Variants in MON1A observed in about 807,000 individuals in gnomAD.
The protein encoded by MON1A is MON1 vesicular trafficking associated A, also known as vacuolar fusion protein MON1 homolog A.
In MON1A, 29 loss-of-function variants were observed where a neutral mutation model predicts 44.6. The observed-to-expected ratio is 0.65, with a 90% CI of 0.48 to 0.89. The LOEUF is 0.89. MON1A is among the 40% of genes least tolerant of loss of function. MON1A has a pLI of 0.00. For synonymous variants in MON1A, 275 were observed against 316.4 expected (o/e 0.87, Z 1.39); for missense variants, 615 against 759.6 (o/e 0.81, Z 2.24).
rs1553630697 is a variant in MON1A at position 49,911,225 on chromosome 3, G to GATAGATGATAGATAC, written c.613+300_613+301insGTATCTATCATCTAT. On this transcript the variant is annotated intron_variant, in intron 3 of 5. Transcript: ENST00000296473. The surrounding 1 kb of genome is among the most constrained non-coding windows in gnomAD (Gnocchi z 5.7). ...AGATAGATAGATAGATAGATAGATA[G>GATAGATGATAGATAC]ATAGATAGATAGATAGATAGAGTTT... is the stretch of plus-strand genomic sequence containing the variant. Among the ~76,000 whole-genome samples, 8 of 151,476 alleles carry GATAGATGATAGATAC rather than the reference G, an allele frequency of 5.3e-5. No individual in the cohort carries two copies. Among genetic ancestry groups the GATAGATGATAGATAC allele is most frequent in the African/African-American group, 2.0e-4 (8 of 41,006 alleles).
rs745909608 is a variant in MON1A at position 49,911,696 on chromosome 3, G to A, written c.443C>T (p.Thr148Met). 12 of 1,614,074 alleles carry A rather than the reference G, an allele frequency of 7.4e-6. No homozygotes were observed. The Middle Eastern group carries it at 4.9e-4, about 67-fold the overall frequency. ...GTTEGDEEDATEAWRLHQKHV... is the reference protein window; with the variant it reads ...GTTEGDEEDAMEAWRLHQKHV... ...CTTCTGGTGCAGGCGCCATGCCTCC[G>A]TGGCATCCTCCTCATCCCCCTCGGT... Residue 148 changes from threonine (T) to methionine (M), a missense_variant, in exon 3 of 6, where the codon ACG (threonine) becomes ATG (methionine). By Grantham distance (81) the Thr-to-Met change is moderately conservative. Coordinates refer to ENST00000296473, the MANE Select transcript of MON1A (RefSeq NM_032355.4). The surrounding 1 kb of genome is among the most constrained non-coding windows in gnomAD (Gnocchi z 5.7).
intron 1 of MON1A, among the ~76,000 whole-genome samples, chr3:49,914,654 TCTC>T (rs1171252641): frequency 5.3e-5 from 8 of 150,602 alleles, no homozygotes; most frequent in Non-Finnish European, 4.4e-5. Flanking sequence ...TTCAAGCAAT[TCTC>T]CTGCCTCAGC....
chr3:49,920,967 G>A (rs2082990899), intron 1 of MON1A, among the ~76,000 whole-genome samples: 1 of 151,884 alleles, frequency 6.6e-6, no homozygotes. Context: ...AGACCAGCCT[G>A]GGCAATATGG....
At position 49,909,198 on chromosome 3, in the gene MON1A, C is replaced by T; in HGVS notation, c.1528-44G>A. The T allele has an allele frequency of 6.2e-7, 1 of 1,612,442 alleles. No individual in the cohort carries two copies. The highest frequency in any genetic ancestry group is 1.1e-5 in the South Asian group (1 of 91,016). ...GTCGTCATCTAGGTTAGAGGCCCCT[C>T]ATGGCCCATACCTAGGACCTCCATA... On this transcript the variant is annotated intron_variant, in intron 5 of 5. Transcript: ENST00000296473. This position sits in a 1 kb window ranked among gnomAD's most constrained non-coding sequence, Gnocchi z 4.0.
chr3:49,919,016 T>C (rs1014948765), intron 1 of MON1A, among the ~76,000 whole-genome samples: 1 of 152,090 alleles, frequency 6.6e-6, no homozygotes, highest in Non-Finnish European at 1.5e-5. Context: ...ACCCCATCTC[T>C]ACAAAAAGTA....
intron 1 of MON1A, among the ~76,000 whole-genome samples, chr3:49,918,542 G>A (rs2082968357): frequency 6.6e-6 from 1 of 151,770 alleles, no homozygotes; most frequent in Admixed American, 6.6e-5. Context: ...CTCCCAGGTA[G>A]CTGGGATTAC....
rs144510098 is a variant in MON1A, at chr3:49,925,697, C to G, written c.-14+3912G>C. On this transcript the variant is annotated intron_variant, in intron 1 of 5. Transcript: ENST00000296473. ...AAGGCTGCAGTGAGCCGTGATTGTG[C>G]CACTGTACTCCAGCCTGGGCAACAC... Among the ~76,000 whole-genome samples the G allele has an allele frequency of 8.7e-3, 1,319 of 152,152 alleles. 21 individuals carry two copies. Among genetic ancestry groups the G allele is most frequent in the African/African-American group, 0.031 (1,274 of 41,498 alleles).
chr3:49,923,432 A>G (rs887151021), intron 1 of MON1A, among the ~76,000 whole-genome samples: 1 of 150,916 alleles, frequency 6.6e-6, no homozygotes, highest in South Asian at 2.1e-4. Context: ...GGAAAGAAAG[A>G]AAGAAAGGAA....
intron 1 of MON1A, among the ~76,000 whole-genome samples, chr3:49,914,955 A>G (rs1435021185): frequency 1.3e-5 from 2 of 152,230 alleles, no homozygotes; most frequent in Non-Finnish European, 2.9e-5. Context: ...TGTTGGAATT[A>G]CAGGCATGAG....
chr3:49,911,190 T>TTAGA lies in MON1A; in HGVS notation c.614-310_614-307dup, dbSNP rs10564221. Among the ~76,000 whole-genome samples, 11,940 of 95,424 alleles carry TTAGA rather than the reference T, an allele frequency of 0.13. 716 individuals carry two copies. Among genetic ancestry groups the TTAGA allele is most frequent in the East Asian group, 0.27 (1,129 of 4,176 alleles). 62.6% of individuals were successfully genotyped at this position (95,424 alleles called of 152,430 possible). On this transcript the variant is annotated intron_variant, in intron 3 of 5. Coordinates refer to ENST00000296473, the MANE Select transcript of MON1A (RefSeq NM_032355.4). The surrounding 1 kb of genome is among the most constrained non-coding windows in gnomAD (Gnocchi z 5.7). The stretch of plus-strand genomic sequence containing the variant: ...GCTCAGGACCTGGGAGATAGATAGA[T>TTAGA]TAGATAGATAGATAGATAGATAGAT...
rs775517978 is a variant in MON1A at position 49,909,225 on chromosome 3, A to G, written c.1527+28T>C. The G allele has an allele frequency of 1.2e-6, 2 of 1,613,582 alleles. No individual in the cohort carries two copies. The highest frequency in any genetic ancestry group is 2.7e-5 in the African/African-American group (2 of 74,980). On this transcript the variant is annotated intron_variant, in intron 5 of 5. Transcript: ENST00000296473. The surrounding 1 kb of genome is among the most constrained non-coding windows in gnomAD (Gnocchi z 4.0). ...TGGCCCATACCTAGGACCTCCATAA[A>G]GCCCAGCCCATCCCAGGGCTGCCTT...
chr3:49,914,600 T>C (rs889859342), intron 1 of MON1A, among the ~76,000 whole-genome samples: 1 of 133,758 alleles, frequency 7.5e-6, no homozygotes, highest in Non-Finnish European at 1.5e-5. Flanking sequence ...CAGTCTGGAG[T>C]GCAGTGGTGC....
Position 49,910,051 on chromosome 3 carries a change from A to C in MON1A, c.1379+68T>G, listed in dbSNP as rs2082855075. The C allele has an allele frequency of 2.0e-6, 3 of 1,501,978 alleles. No homozygotes were observed. The highest frequency in any genetic ancestry group is 2.7e-6 in the Non-Finnish European group (3 of 1,119,046). 93.0% of individuals were successfully genotyped at this position (1,501,978 alleles called of 1,614,324 possible). A position where few individuals can be genotyped will look rare whatever the true frequency, so the allele number is the denominator to read the frequency against. On this transcript the variant is annotated intron_variant, in intron 4 of 5. Transcript: ENST00000296473. This position sits in a 1 kb window ranked among gnomAD's most constrained non-coding sequence, Gnocchi z 8.0. The stretch of plus-strand genomic sequence containing the variant: ...TCAGGGCTACATCTCAGAGCTCAGG[A>C]CCAAACAGCCTCCCGACTCCACATG...
intron 2 of MON1A, chr3:49,912,322 G>T (rs758434869): frequency 3.6e-5 from 10 of 276,412 alleles, no homozygotes; most frequent in Non-Finnish European, 5.4e-5. Flanking sequence ...ACATCCATCT[G>T]CTCTCAGATA....
At position 49,929,736 on chromosome 3, in the gene MON1A, T is replaced by A. The variant is rs2083078788; in HGVS notation, c.-141A>T. 1 of 1,549,844 alleles carries A rather than the reference T, an allele frequency of 6.5e-7. No homozygotes were observed. Among genetic ancestry groups the A allele is most frequent in the Non-Finnish European group, 8.7e-7 (1 of 1,146,686 alleles). ...ACAGCTTCGCGGGGCCCCGGCCCCC[T>A]GCGTACACAGACATGGCCACAGCGC... On this transcript the variant is annotated 5_prime_UTR_variant, in exon 1 of 6. Transcript: ENST00000296473.
intron 1 of MON1A, among the ~76,000 whole-genome samples, chr3:49,921,054 G>A (rs953837883): frequency 1.3e-5 from 2 of 151,750 alleles, no homozygotes; most frequent in African/African-American, 4.8e-5. Context: ...TACTCAGGAG[G>A]CTAAGGTGGG....
chr3:49,920,563 G>A (rs986495676), intron 1 of MON1A: 1 of 152,208 alleles, frequency 6.6e-6, no homozygotes, highest in Non-Finnish European at 1.5e-5. Flanking sequence ...CTCCTGGCCA[G>A]GCGTGGTGGC....
In MON1A at chr3:49,910,415, G is replaced by C. The variant is rs151189958; in HGVS notation, c.1083C>G (p.Gly361=). The change falls in exon 4 of 6, where the codon GGC becomes GGG. Residue 361 remains glycine, a synonymous_variant. Transcript: ENST00000296473. This position sits in a 1 kb window ranked among gnomAD's most constrained non-coding sequence, Gnocchi z 8.0. ...LISSSSSFRE[G]EAWTPVCLPK... ...GCAGGCACACGGGCGTCCAGGCCTC[G>C]CCCTCGCGAAAGGACGAGGAGGAAC... The C allele has an allele frequency of 3.1e-6, 5 of 1,614,104 alleles. No homozygotes were observed. In the African/African-American group the frequency reaches 6.7e-5, roughly 22 times the overall value.
chr3:49,928,595 C>A (rs1410381524), intron 1 of MON1A, among the ~76,000 whole-genome samples: 1 of 152,190 alleles, frequency 6.6e-6, no homozygotes, highest in East Asian at 1.9e-4. Context: ...CCTTCAGAAG[C>A]CCCTCCCTAC....
Sources: gnomAD v4.1 joint callset for allele counts (sites outside exome capture counted in the v4.1 genomes callset) on GRCh38, gnomAD v4.1.1 for gene constraint, Gnocchi (gnomAD v3.1) non-coding constraint, MANE v1.5 for transcripts, NCBI Gene and HGNC (gene_info 2026-07-23, HGNC 2026-07-21) for gene names.